SH3GL2: variants seen among roughly 807,000 people sequenced by gnomAD.
SH3GL2 encodes SH3 domain containing GRB2 like 2, endophilin A1.
A neutral mutation model predicts 46.0 loss-of-function variants in SH3GL2; 24 were observed. The observed-to-expected ratio is 0.52, with a 90% CI of 0.38 to 0.73. The LOEUF (loss-of-function observed/expected upper bound fraction) is 0.73, where lower values mean the gene tolerates loss of function less well. Among genes scored for constraint, SH3GL2 ranks in the 30% least tolerant of loss-of-function variants. The pLI is 0.00. For synonymous variants in SH3GL2, 196 were observed against 147.1 expected, an observed-to-expected ratio of 1.33 and a Z score of -2.40; for missense variants, 413 against 424.2, an observed-to-expected ratio of 0.97 and a Z score of 0.23.
At chr9:17,736,461 T>C (rs1177697462) in intron 1 of SH3GL2, among the ~76,000 whole-genome samples, 1 of 152,138 alleles carries the variant, frequency 6.6e-6, no homozygotes, top group Non-Finnish European at 1.5e-5. Context: ...CTTTCATGAC[T>C]ACCTCTGCAG....
chr9:17,624,494 A>T (rs958759200), intron 1 of SH3GL2, among the ~76,000 whole-genome samples: 68 of 150,148 alleles, frequency 4.5e-4, no homozygotes, highest in African/African-American at 1.6e-3. Context: ...AGCCTTTGAC[A>T]TTCTGCTCTA....
chr9:17,679,382 C>G (rs1021580357), intron 1 of SH3GL2, among the ~76,000 whole-genome samples: 4 of 152,066 alleles, frequency 2.6e-5, no homozygotes, highest in Admixed American at 1.3e-4. Context: ...GTATTTTATT[C>G]TCTTTGAAGC....
chr9:17,795,556 A>T lies in SH3GL2; in HGVS notation c.872A>T (p.Asp291Val). ...GTPKPSGVQMDQPCCRALYDF... is the reference protein window; with the variant it reads ...GTPKPSGVQMVQPCCRALYDF... ...CTCTTACTCCCAGGTGTCCAAATGGATCAGCCCTGCTGCCGAGCTCTGTAC... is the reference window on the plus strand; with the variant it reads ...CTCTTACTCCCAGGTGTCCAAATGGTTCAGCCCTGCTGCCGAGCTCTGTAC... Residue 291 changes from aspartate to valine, a missense_variant, in exon 9 of 9, where the codon GAT (aspartate) becomes GTT (valine). By Grantham distance (152) the Asp-to-Val change is radical. Around this residue, in one of 3 missense-constraint regions of SH3GL2, gnomAD observed 248 missense variants for 215.0 expected, o/e 1.15. Coordinates refer to ENST00000380607, the MANE Select transcript of SH3GL2 (RefSeq NM_003026.5). The T allele has an allele frequency of 6.2e-7, 1 of 1,613,906 alleles. No individual in the cohort carries two copies. The highest frequency in any genetic ancestry group is 8.5e-7 in the Non-Finnish European group (1 of 1,179,860).
rs377054875 is a variant in SH3GL2, at chr9:17,743,857, A to C, written c.46-3209A>C. ...AATGGTTTATTCACTAGAGTTGGTCAAAATGTGATTAACACAGGGTTACCA... is the reference window on the plus strand; with the variant it reads ...AATGGTTTATTCACTAGAGTTGGTCCAAATGTGATTAACACAGGGTTACCA... On this transcript the variant is annotated intron_variant, in intron 1 of 8. Transcript: ENST00000380607. Among the ~76,000 whole-genome samples, 147 of 152,360 alleles carry C rather than the reference A, an allele frequency of 9.6e-4. 1 individual carries two copies. The South Asian group carries it at 0.029, about 30-fold the overall frequency.
chr9:17,699,404 T>A (rs1252243283), intron 1 of SH3GL2, among the ~76,000 whole-genome samples: 1 of 152,210 alleles, frequency 6.6e-6, no homozygotes, highest in Admixed American at 6.5e-5. Flanking sequence ...CTTGCCAGAC[T>A]GACAGGAATT....
At chr9:17,579,486 G>C (rs981595006) in intron 1 of SH3GL2, among the ~76,000 whole-genome samples, 199 bp downstream of exon 1, 1 of 151,968 alleles carries the variant, frequency 6.6e-6, no homozygotes. Context: ...CCCGCCCCCG[G>C]CTTGGTGCGC....
chr9:17,704,277 C>G, intron 1 of SH3GL2, among the ~76,000 whole-genome samples: 1 of 151,876 alleles, frequency 6.6e-6, no homozygotes, highest in East Asian at 1.9e-4. Flanking sequence ...AAACACTGCT[C>G]AAAGAAATCG....
intron 1 of SH3GL2, among the ~76,000 whole-genome samples, chr9:17,636,123 G>T (rs1819537610): frequency 1.3e-5 from 2 of 152,180 alleles, no homozygotes; most frequent in South Asian, 4.1e-4. Flanking sequence ...GGACAAATAT[G>T]CAGGTGCTTA....
In SH3GL2 at chr9:17,653,456, G is replaced by A. The variant is rs537897088; in HGVS notation, c.45+74169G>A. ...AAGATGCCATCTGGAGAGATTTTTG[G>A]CCAGGTTTTCTAAGATACTGTGTAG... On this transcript the variant is annotated intron_variant, in intron 1 of 8. Transcript: ENST00000380607. Among the ~76,000 whole-genome samples, 9 of 151,916 alleles carry A rather than the reference G, an allele frequency of 5.9e-5. No individual in the cohort carries two copies. The East Asian group carries it at 1.7e-3, about 29-fold the overall frequency.
At chr9:17,779,522 A>C (rs749465922) in intron 3 of SH3GL2, among the ~76,000 whole-genome samples, 1 of 152,130 alleles carries the variant, frequency 6.6e-6, no homozygotes, top group Non-Finnish European at 1.5e-5. Context: ...CTCTTTCTGC[A>C]AATAGGAGTA....
chr9:17,723,432 C>G (rs1821945165), intron 1 of SH3GL2, among the ~76,000 whole-genome samples: 1 of 152,068 alleles, frequency 6.6e-6, no homozygotes, highest in Admixed American at 6.5e-5. Flanking sequence ...TCTTTCTAAA[C>G]AAATGATTTT....
chr9:17,692,408 G>C (rs1046913183), intron 1 of SH3GL2, among the ~76,000 whole-genome samples: 3 of 152,104 alleles, frequency 2.0e-5, no homozygotes, highest in Middle Eastern at 3.4e-3. Context: ...ACTTTTGAGA[G>C]GCCAAGGTGG....
chr9:17,697,521 C>A (rs1821237255), intron 1 of SH3GL2, among the ~76,000 whole-genome samples: 1 of 152,090 alleles, frequency 6.6e-6, no homozygotes, highest in South Asian at 2.1e-4. Flanking sequence ...CGTGCCTGGC[C>A]TCAAATGCAT....
chr9:17,634,200 A>G (rs116513292), intron 1 of SH3GL2, among the ~76,000 whole-genome samples: 1 of 152,312 alleles, frequency 6.6e-6, no homozygotes, highest in African/African-American at 2.4e-5. Flanking sequence ...ACACTAGTGA[A>G]GTTCTGAGTG....
At chr9:17,679,639 G>A (rs1374725835) in intron 1 of SH3GL2, among the ~76,000 whole-genome samples, 1 of 152,222 alleles carries the variant, frequency 6.6e-6, no homozygotes, top group South Asian at 2.1e-4. Flanking sequence ...CTGCCTGATT[G>A]CCCTGGCCAG....
At chr9:17,716,067 C>T (rs1035480427) in intron 1 of SH3GL2, among the ~76,000 whole-genome samples, 2 of 151,958 alleles carry the variant, frequency 1.3e-5, no homozygotes, top group Non-Finnish European at 2.9e-5. Flanking sequence ...TATGTTTGTA[C>T]GTGTGTATGT....
chr9:17,635,141 C>G (rs1251027908), intron 1 of SH3GL2, among the ~76,000 whole-genome samples: 1 of 152,140 alleles, frequency 6.6e-6, no homozygotes, highest in Non-Finnish European at 1.5e-5. Flanking sequence ...CTGCCCACAC[C>G]TACCACCCTC....
intron 1 of SH3GL2, among the ~76,000 whole-genome samples, chr9:17,620,769 A>T (rs915835399): frequency 6.6e-6 from 1 of 152,196 alleles, no homozygotes; most frequent in African/African-American, 2.4e-5. Context: ...GTATCTTGGT[A>T]TGAGTGACCT....
At chr9:17,639,619 A>G (rs866194299) in intron 1 of SH3GL2, among the ~76,000 whole-genome samples, 4 of 152,334 alleles carry the variant, frequency 2.6e-5, no homozygotes, top group Admixed American at 1.3e-4. Context: ...AGATAACATA[A>G]AATTGCCGTA....
Sources: gnomAD v4.1 joint callset for allele counts (sites outside exome capture counted in the v4.1 genomes callset) on GRCh38, gnomAD v4.1.1 for gene constraint, gnomAD v4.1.1 regional missense constraint, MANE v1.5 for transcripts, NCBI Gene and HGNC (gene_info 2026-07-23, HGNC 2026-07-21) for gene names.